Variants in DPYSL5 observed in about 807,000 individuals in gnomAD.
DPYSL5 encodes dihydropyrimidinase-related protein 5.
Under a neutral mutation model 58.4 loss-of-function variants are expected in DPYSL5, and 9 were observed. That is an observed-to-expected ratio of 0.15 (90% confidence interval 0.09 to 0.27). DPYSL5 has a LOEUF of 0.27. DPYSL5 is among the 10% of genes least tolerant of loss of function. The pLI is 1.00. For synonymous variants in DPYSL5, 293 were observed against 301.9 expected (o/e 0.97, Z 0.31); for missense variants, 499 against 770.6 (o/e 0.65, Z 4.17).
chr2:26,933,415 C>A lies in DPYSL5; in HGVS notation c.790+82C>A. ...TGGGGCCCATTAGCCGTGCTCACTCCTGGCCCCGGCTCCTGAAACCAGGAC... is the reference window on the plus strand; with the variant it reads ...TGGGGCCCATTAGCCGTGCTCACTCATGGCCCCGGCTCCTGAAACCAGGAC... On this transcript the variant is annotated intron_variant, in intron 7 of 12. Coordinates refer to ENST00000288699, the MANE Select transcript of DPYSL5 (RefSeq NM_020134.4). The surrounding 1 kb of genome is among the most constrained non-coding windows in gnomAD (Gnocchi z 4.2). 7.5e-7 allele frequency: 1 copy of A among 1,335,250 alleles called. No individual in the cohort carries two copies. The highest frequency in any genetic ancestry group is 1.1e-6 in the Non-Finnish European group (1 of 939,316). 82.7% of individuals were successfully genotyped at this position (1,335,250 alleles called of 1,614,324 possible).
intron 2 of DPYSL5, among the ~76,000 whole-genome samples, chr2:26,903,442 C>T (rs971107714): frequency 6.6e-6 from 1 of 152,176 alleles, no homozygotes; most frequent in African/African-American, 2.4e-5. Flanking sequence ...GATAGGGACC[C>T]CTTTCCTGGA....
chr2:26,870,085 C>A (rs994722534), intron 1 of DPYSL5, among the ~76,000 whole-genome samples: 10 of 152,142 alleles, frequency 6.6e-5, no homozygotes, highest in African/African-American at 2.4e-4. Context: ...TATCTTACTG[C>A]GTTTTCTGGC....
intron 2 of DPYSL5, among the ~76,000 whole-genome samples, chr2:26,903,041 A>G (rs990455001): frequency 1.3e-5 from 2 of 151,986 alleles, no homozygotes; most frequent in African/African-American, 4.8e-5. Context: ...TCTATGGAGT[A>G]GCCATTCTTT....
intron 2 of DPYSL5, among the ~76,000 whole-genome samples, chr2:26,908,865 TTC>T (rs1664363939): frequency 1.3e-5 from 2 of 152,222 alleles, no homozygotes; most frequent in African/African-American, 4.8e-5. Flanking sequence ...AATGCCATTT[TTC>T]TGTCTTCTTC....
rs748089233 is a variant in DPYSL5, at chr2:26,933,342, A to G, written c.790+9A>G. ...AGCTGCTAAGATGCAAGGTGAGTCC[A>G]TAGACTTGGCTGGACAGAGCAGGTC... is the stretch of plus-strand genomic sequence containing the variant. On this transcript the variant is annotated intron_variant, in intron 7 of 12. Transcript: ENST00000288699. This position sits in a 1 kb window ranked among gnomAD's most constrained non-coding sequence, Gnocchi z 4.2. 6.2e-7 allele frequency: 1 copy of G among 1,613,720 alleles called. No individual in the cohort carries two copies. The highest frequency in any genetic ancestry group is 8.5e-7 in the Non-Finnish European group (1 of 1,179,748).
chr2:26,888,376 T>G (rs1014376049), intron 1 of DPYSL5, among the ~76,000 whole-genome samples: 1 of 152,096 alleles, frequency 6.6e-6, no homozygotes, highest in African/African-American at 2.4e-5. Context: ...GTTCAAGTGA[T>G]TCTCCTTCCT....
intron 1 of DPYSL5, among the ~76,000 whole-genome samples, chr2:26,892,992 C>T (rs1558334843): frequency 6.6e-6 from 1 of 152,220 alleles, no homozygotes; most frequent in Admixed American, 6.5e-5. Flanking sequence ...CCCCTCTTCC[C>T]TAGTCTCTCC....
intron 1 of DPYSL5, among the ~76,000 whole-genome samples, chr2:26,872,119 A>G (rs947030456): frequency 3.3e-5 from 5 of 152,282 alleles, no homozygotes; most frequent in African/African-American, 1.2e-4. Context: ...GGGCACGTGT[A>G]CCTCCTGAAA....
At chr2:26,904,847 TGA>T (rs1386399555) in intron 2 of DPYSL5, among the ~76,000 whole-genome samples, 1 of 152,186 alleles carries the variant, frequency 6.6e-6, no homozygotes, top group Non-Finnish European at 1.5e-5. Context: ...GAGGCTGCAG[TGA>T]GCTGTGATTG....
intron 1 of DPYSL5, among the ~76,000 whole-genome samples, chr2:26,861,277 T>C (rs1483755090): frequency 6.6e-6 from 1 of 152,160 alleles, no homozygotes; most frequent in Non-Finnish European, 1.5e-5. Context: ...ATATTTCCCC[T>C]TTGAGTCTTT....
chr2:26,886,043 A>G (rs943271149), intron 1 of DPYSL5, among the ~76,000 whole-genome samples: 3 of 152,210 alleles, frequency 2.0e-5, no homozygotes, highest in Non-Finnish European at 4.4e-5. Flanking sequence ...GGAACCCAGT[A>G]GAATGGTCCA....
At chr2:26,941,285 G>A (rs1344306208) in intron 9 of DPYSL5, among the ~76,000 whole-genome samples, 1 of 152,110 alleles carries the variant, frequency 6.6e-6, no homozygotes, top group African/African-American at 2.4e-5. Flanking sequence ...TCCTAGAAGT[G>A]GATTTTTAGG....
At chr2:26,945,464 G>A (rs1459245884) in intron 12 of DPYSL5, among the ~76,000 whole-genome samples, 1 of 151,990 alleles carries the variant, frequency 6.6e-6, no homozygotes, top group African/African-American at 2.4e-5. Context: ...CTTGGGGGGT[G>A]CGATCCCAGT....
At chr2:26,894,565 A>T (rs895536437) in intron 1 of DPYSL5, among the ~76,000 whole-genome samples, 2 of 152,206 alleles carry the variant, frequency 1.3e-5, no homozygotes, top group African/African-American at 4.8e-5. Context: ...GCCTTCTGTT[A>T]ATGATGGTTG....
At chr2:26,903,827 C>G (rs17005660) in intron 2 of DPYSL5, among the ~76,000 whole-genome samples, 12,328 of 152,316 alleles carry the variant, frequency 0.081, 553 homozygotes, top group Middle Eastern at 0.18. Context: ...AGTTCCCTAA[C>G]CCGGTGTCCT....
chr2:26,931,201 G>GTATATATATATA lies in DPYSL5; in HGVS notation c.670-438_670-437insATATATATATAT, dbSNP rs1161770394. Among the ~76,000 whole-genome samples, 208 of 54,522 alleles carry GTATATATATATA rather than the reference G, an allele frequency of 3.8e-3. 1 individual carries two copies. Among genetic ancestry groups the GTATATATATATA allele is most frequent in the East Asian group, 7.9e-3 (12 of 1,516 alleles). 35.8% of individuals were successfully genotyped at this position (54,522 alleles called of 152,430 possible). On this transcript the variant is annotated intron_variant, in intron 5 of 12. Coordinates refer to ENST00000288699, the MANE Select transcript of DPYSL5 (RefSeq NM_020134.4). Reference sequence around the variant, plus strand: ...TGTGTGTGTGTGTGTGTGTGTGTGTGTGTATATATATATATATATATATAT... The same window carrying GTATATATATATA: ...TGTGTGTGTGTGTGTGTGTGTGTGTGTATATATATATATGTATATATATATATATATATATAT...
chr2:26,924,446 T>C lies in DPYSL5; in HGVS notation c.262-441T>C, dbSNP rs1664777134. On this transcript the variant is annotated intron_variant, in intron 2 of 12. Transcript: ENST00000288699. This position sits in a 1 kb window ranked among gnomAD's most constrained non-coding sequence, Gnocchi z 4.7. ...TACGTGTGTAACTAAGTAAATGATA[T>C]AAACAGACATTTGATTATGCCATCA... 6.6e-6 allele frequency among the ~76,000 whole-genome samples: 1 copy of C among 152,224 alleles called. No homozygotes were observed. The highest frequency in any genetic ancestry group is 2.4e-5 in the African/African-American group (1 of 41,458).
chr2:26,878,796 C>A (rs1322807152), intron 1 of DPYSL5, among the ~76,000 whole-genome samples: 1 of 152,214 alleles, frequency 6.6e-6, no homozygotes, highest in African/African-American at 2.4e-5. Flanking sequence ...AATGCACCAG[C>A]CATCCTGAGT....
intron 1 of DPYSL5, among the ~76,000 whole-genome samples, chr2:26,882,016 G>A (rs547528653): frequency 3.5e-4 from 51 of 147,674 alleles, no homozygotes; most frequent in Non-Finnish European, 5.4e-4. Flanking sequence ...GCGTGAACGC[G>A]GGAGGCAGAG....
Sources: gnomAD v4.1 joint callset for allele counts (sites outside exome capture counted in the v4.1 genomes callset) on GRCh38, gnomAD v4.1.1 for gene constraint, Gnocchi (gnomAD v3.1) non-coding constraint, MANE v1.5 for transcripts, NCBI Gene and HGNC (gene_info 2026-07-23, HGNC 2026-07-21) for gene names.